Variants in HPCAL1 observed in about 807,000 individuals in gnomAD.
The protein encoded by HPCAL1 is hippocalcin like 1, also known as hippocalcin-like protein 1.
HPCAL1 carries 8 observed loss-of-function variants against 17.1 expected under a neutral mutation model. The observed-to-expected ratio is 0.47, with a 90% confidence interval of 0.27 to 0.84. The LOEUF is 0.84. Among genes scored for constraint, HPCAL1 ranks in the 40% least tolerant of loss-of-function variants. The pLI, the probability that HPCAL1 is intolerant of heterozygous loss-of-function variation, is 0.13. For synonymous variants in HPCAL1, 112 were observed against 111.4 expected (o/e 1.01, Z -0.03); for missense variants, 165 against 271.1 (o/e 0.61, Z 2.75).
chr2:10,420,570 G>C (rs887517168), intron 3 of HPCAL1, among the ~76,000 whole-genome samples: 1 of 152,040 alleles, frequency 6.6e-6, no homozygotes, highest in African/African-American at 2.4e-5. Flanking sequence ...TTTGGAAAGT[G>C]AGCAGTTGTC....
chr2:10,379,859 C>T (rs751246863), intron 1 of HPCAL1, among the ~76,000 whole-genome samples: 22 of 152,194 alleles, frequency 1.4e-4, no homozygotes, highest in Non-Finnish European at 2.9e-4. Context: ...CTTGAGCGCA[C>T]ACTCAGAACC....
At chr2:10,374,394 A>G (rs1667417679) in intron 1 of HPCAL1, among the ~76,000 whole-genome samples, 1 of 151,518 alleles carries the variant, frequency 6.6e-6, no homozygotes, top group Admixed American at 6.6e-5. Context: ...GCTTTGTTGC[A>G]GTATTGGCAC....
intron 1 of HPCAL1, among the ~76,000 whole-genome samples, chr2:10,328,637 A>G (rs11693485): frequency 0.044 from 6,753 of 152,236 alleles, 501 homozygotes; most frequent in African/African-American, 0.15. Context: ...TCTGGGCTTG[A>G]GCTGGAGTGA....
rs556571992 is a variant in HPCAL1, at chr2:10,323,837, C to T, written c.-111+20660C>T. 1.4e-4 allele frequency among the ~76,000 whole-genome samples: 21 copies of T among 152,318 alleles called. No homozygotes were observed. In the South Asian group the frequency reaches 3.3e-3, roughly 24 times the overall value. On this transcript the variant is annotated intron_variant, in intron 1 of 4. Transcript: ENST00000307845. This position sits in a 1 kb window ranked among gnomAD's most constrained non-coding sequence, Gnocchi z 4.6. ...ACAACAACAAAAATCTGCGTCTTGT[C>T]GGAACTTCCATATACACTTCCACTG...
chr2:10,374,745 ACGG>A (rs1159360631), intron 1 of HPCAL1, among the ~76,000 whole-genome samples: 8 of 152,204 alleles, frequency 5.3e-5, no homozygotes, highest in African/African-American at 1.9e-4. Context: ...GTTCCACCCT[ACGG>A]CGTAGAGGAG....
intron 1 of HPCAL1, among the ~76,000 whole-genome samples, chr2:10,308,044 G>C (rs1662732313): frequency 6.6e-6 from 1 of 152,136 alleles, no homozygotes; most frequent in South Asian, 2.1e-4. Flanking sequence ...TTGTATGTGG[G>C]GTACCTATCA....
chr2:10,413,469 C>A (rs1473847880), intron 2 of HPCAL1, among the ~76,000 whole-genome samples: 1 of 152,214 alleles, frequency 6.6e-6, no homozygotes, highest in Non-Finnish European at 1.5e-5. Context: ...TGTGCCAGGC[C>A]CAGCTGGGTC....
intron 2 of HPCAL1, among the ~76,000 whole-genome samples, chr2:10,413,283 G>A (rs1670463624): frequency 6.6e-6 from 1 of 152,218 alleles, no homozygotes. Flanking sequence ...TCTCTGTGAG[G>A]CTTGAATTCT....
At position 10,330,849 on chromosome 2, in the gene HPCAL1, G is replaced by A. The variant is rs6716076; in HGVS notation, c.-111+27672G>A. Reference sequence around the variant, plus strand: ...CAGTGTGTCTCCGACTGCGGACCCCGATCATCTTTGTGAGAATGCAGGTTC... The same window carrying A: ...CAGTGTGTCTCCGACTGCGGACCCCAATCATCTTTGTGAGAATGCAGGTTC... On this transcript the variant is annotated intron_variant, in intron 1 of 4. Transcript: ENST00000307845. This position sits in a 1 kb window ranked among gnomAD's most constrained non-coding sequence, Gnocchi z 4.2. 0.05 allele frequency among the ~76,000 whole-genome samples: 7,560 copies of A among 152,278 alleles called. 566 individuals are homozygous for A. The highest frequency in any genetic ancestry group is 0.16 in the African/African-American group (6,575 of 41,544).
chr2:10,336,675 G>A (rs1197046023), intron 1 of HPCAL1, among the ~76,000 whole-genome samples: 4 of 152,192 alleles, frequency 2.6e-5, no homozygotes, highest in East Asian at 1.9e-4. Context: ...GGCTTTCAGA[G>A]CAGCCCCATC....
At chr2:10,370,756 G>A (rs1667154205) in intron 1 of HPCAL1, among the ~76,000 whole-genome samples, 1 of 152,230 alleles carries the variant, frequency 6.6e-6, no homozygotes, top group African/African-American at 2.4e-5. Flanking sequence ...CAAAGATGTG[G>A]TGCCCTGCTC....
chr2:10,343,055 G>C lies in HPCAL1; in HGVS notation c.-111+39878G>C, dbSNP rs1043353280. 2.6e-5 allele frequency among the ~76,000 whole-genome samples: 4 copies of C among 152,214 alleles called. No individual in the cohort carries two copies. Among genetic ancestry groups the C allele is most frequent in the African/African-American group, 9.7e-5 (4 of 41,448 alleles). ...CAATGTGCCTCTGGATGTGTGTGTAGAGTAGGGGTCCTTCCCCAGCTCCAG... is the reference window on the plus strand; with the variant it reads ...CAATGTGCCTCTGGATGTGTGTGTACAGTAGGGGTCCTTCCCCAGCTCCAG... On this transcript the variant is annotated intron_variant, in intron 1 of 4. Transcript: ENST00000307845. This position sits in a 1 kb window ranked among gnomAD's most constrained non-coding sequence, Gnocchi z 4.8.
chr2:10,420,194 G>T, intron 3 of HPCAL1, 59 bp downstream of exon 3: 1 of 785,096 alleles, frequency 1.3e-6, no homozygotes, highest in Non-Finnish European at 1.9e-6. Flanking sequence ...CCAGCTCCCA[G>T]CCCCCAGCCC....
At chr2:10,345,557 A>G (rs1460303497) in intron 1 of HPCAL1, among the ~76,000 whole-genome samples, 1 of 151,858 alleles carries the variant, frequency 6.6e-6, no homozygotes, top group Non-Finnish European at 1.5e-5. Flanking sequence ...CCCAGGCCCA[A>G]GCGATTCTCC....
chr2:10,380,731 C>G (rs953448936), intron 1 of HPCAL1, among the ~76,000 whole-genome samples: 1 of 152,170 alleles, frequency 6.6e-6, no homozygotes, highest in Non-Finnish European at 1.5e-5. Context: ...GAAGCCTTCC[C>G]AGATTCCAGG....
rs757442484 is a variant in HPCAL1, at chr2:10,365,657, C to A, written c.-110-31178C>A. On this transcript the variant is annotated intron_variant, in intron 1 of 4. Coordinates refer to ENST00000307845, the MANE Select transcript of HPCAL1 (RefSeq NM_002149.4). This position sits in a 1 kb window ranked among gnomAD's most constrained non-coding sequence, Gnocchi z 4.8. ...AGCTGCTTCGAAGCCAAAGGTGTGG[C>A]AACAGCTAACAGGTGCTTGGTGGTC... Among the ~76,000 whole-genome samples, 47 of 152,110 alleles carry A rather than the reference C, an allele frequency of 3.1e-4. No individual in the cohort carries two copies. Among genetic ancestry groups the A allele is most frequent in the Non-Finnish European group, 6.3e-4 (43 of 68,018 alleles).
At chr2:10,348,054 A>C (rs916381100) in intron 1 of HPCAL1, among the ~76,000 whole-genome samples, 4 of 152,226 alleles carry the variant, frequency 2.6e-5, no homozygotes, top group Non-Finnish European at 5.9e-5. Context: ...ATATAAAAGC[A>C]AGATCAAGTT....
At position 10,323,651 on chromosome 2, in the gene HPCAL1, A is replaced by T. The variant is rs1055874918; in HGVS notation, c.-111+20474A>T. Among the ~76,000 whole-genome samples the T allele has an allele frequency of 3.3e-5, 5 of 152,244 alleles. No individual in the cohort carries two copies. The highest frequency in any genetic ancestry group is 7.3e-5 in the Non-Finnish European group (5 of 68,046). On this transcript the variant is annotated intron_variant, in intron 1 of 4. Coordinates refer to ENST00000307845, the MANE Select transcript of HPCAL1 (RefSeq NM_002149.4). The surrounding 1 kb of genome is among the most constrained non-coding windows in gnomAD (Gnocchi z 4.6). ...GTTGCGCCTCACTCTAATGAAAATAATAAAAGCTCAAATGACCAGCACTGT... is the reference window on the plus strand; with the variant it reads ...GTTGCGCCTCACTCTAATGAAAATATTAAAAGCTCAAATGACCAGCACTGT...
At position 10,331,050 on chromosome 2, in the gene HPCAL1, C is replaced by T. The variant is rs1664338069; in HGVS notation, c.-111+27873C>T. On this transcript the variant is annotated intron_variant, in intron 1 of 4. Coordinates refer to ENST00000307845, the MANE Select transcript of HPCAL1 (RefSeq NM_002149.4). The surrounding 1 kb of genome is among the most constrained non-coding windows in gnomAD (Gnocchi z 5.0). ...CATCTTGGCTTCTTCCTCATCCCGC[C>T]TCTCGCTCCATCTCGTGGCCTCCCA... Among the ~76,000 whole-genome samples the T allele has an allele frequency of 6.6e-6, 1 of 152,186 alleles. No homozygotes were observed. The highest frequency in any genetic ancestry group is 2.4e-5 in the African/African-American group (1 of 41,442).
Sources: allele counts gnomAD v4.1 joint callset (sites outside exome capture counted in the v4.1 genomes callset), GRCh38; gene constraint gnomAD v4.1.1; non-coding constraint Gnocchi (gnomAD v3.1); transcripts MANE v1.5; gene names NCBI Gene and HGNC (gene_info 2026-07-23, HGNC 2026-07-21).